Variants in PRR16 observed in about 807,000 individuals in gnomAD.
PRR16 encodes the protein proline rich 16, also known as protein Largen.
In PRR16, 6 loss-of-function variants were observed where a neutral mutation model predicts 18.2. The ratio of observed to expected loss-of-function variants is 0.33; its 90% CI spans 0.18 to 0.65. The LOEUF (loss-of-function observed/expected upper bound fraction) is 0.65, where lower values mean the gene tolerates loss of function less well. PRR16 is among the 30% of genes least tolerant of loss of function. The pLI is 0.74. For missense variants in PRR16, 412 were observed against 376.6 expected (o/e 1.09, Z -0.78); for synonymous variants, 151 against 147.8 (o/e 1.02, Z -0.16).
chr5:120,494,708 A>G (rs534534505), intron 1 of PRR16, among the ~76,000 whole-genome samples: 2 of 152,074 alleles, frequency 1.3e-5, no homozygotes, highest in Non-Finnish European at 2.9e-5. Flanking sequence ...GTCTTCCTCT[A>G]TCTTTTCCCT....
rs141025172 is a variant in PRR16 at position 120,615,790 on chromosome 5, T to G, written c.160-70164T>G. ...TTTTCTGTCATCCATGTGTATATAA[T>G]TAATATGTAGGTGAGAATTCTGGGC... is the stretch of plus-strand genomic sequence containing the variant. On this transcript the variant is annotated intron_variant, in intron 1 of 1. Transcript: ENST00000407149. Among the ~76,000 whole-genome samples the G allele has an allele frequency of 1.3e-4, 20 of 152,212 alleles. No individual in the cohort carries two copies. In the East Asian group the frequency reaches 3.9e-3, roughly 29 times the overall value.
At chr5:120,595,524 G>T (rs1753771456) in intron 1 of PRR16, among the ~76,000 whole-genome samples, 1 of 151,864 alleles carries the variant, frequency 6.6e-6, no homozygotes, top group Non-Finnish European at 1.5e-5. Context: ...TTCAACCATT[G>T]TCGGAAGTAG....
chr5:120,753,089 G>T, the PRR16 span, among the ~76,000 whole-genome samples: 1 of 151,972 alleles, frequency 6.6e-6, no homozygotes, highest in Non-Finnish European at 1.5e-5. Flanking sequence ...TTTGAGCAGA[G>T]GAGTTAGCAG....
At chr5:120,708,547 G>C in the PRR16 span, among the ~76,000 whole-genome samples, 1 of 151,892 alleles carries the variant, frequency 6.6e-6, no homozygotes, top group South Asian at 2.1e-4. Flanking sequence ...ACCTCAGACA[G>C]GAAAAGCTAA....
intron 1 of PRR16, among the ~76,000 whole-genome samples, chr5:120,476,602 G>A (rs1358369358): frequency 6.6e-6 from 1 of 152,020 alleles, no homozygotes; most frequent in Non-Finnish European, 1.5e-5. Flanking sequence ...AAAGCCAATC[G>A]TTCTACTTGT....
At chr5:120,563,709 C>T (rs1298796714) in intron 1 of PRR16, among the ~76,000 whole-genome samples, 4 of 152,184 alleles carry the variant, frequency 2.6e-5, no homozygotes, top group Non-Finnish European at 5.9e-5. Context: ...ATCCAAATGC[C>T]TGCCTATTGC....
chr5:120,717,345 A>T, the PRR16 span, among the ~76,000 whole-genome samples: 3 of 152,156 alleles, frequency 2.0e-5, no homozygotes, highest in Non-Finnish European at 4.4e-5. Flanking sequence ...TTATAGTTGC[A>T]TATATTTTAG....
chr5:120,655,139 A>T (rs1014216828), intron 1 of PRR16, among the ~76,000 whole-genome samples: 2 of 151,922 alleles, frequency 1.3e-5, no homozygotes, highest in Non-Finnish European at 2.9e-5. Flanking sequence ...TCTGATTTCC[A>T]GTCTCCACCC....
chr5:120,602,368 G>A (rs989946255), intron 1 of PRR16, among the ~76,000 whole-genome samples: 2 of 151,980 alleles, frequency 1.3e-5, no homozygotes, highest in Non-Finnish European at 2.9e-5. Context: ...CAGCTTGAAT[G>A]TTATTAGTGT....
rs1440982811 is a variant in PRR16, at chr5:120,687,153, C to T, written c.*444C>T. On this transcript the variant is annotated 3_prime_UTR_variant, in exon 2 of 2. Transcript: ENST00000407149. ...ATTATTTTTTTCTAAAGATGTTTGT[C>T]ACTAGTTTTTCATTATTAAATGCTG... The T allele has an allele frequency of 6.5e-6, 1 of 152,756 alleles. No homozygotes were observed. Among genetic ancestry groups the T allele is most frequent in the African/African-American group, 2.4e-5 (1 of 41,404 alleles). The allele number at this position is 152,756 out of a possible 1,614,324, so 9.5% of individuals were successfully genotyped here.
At chr5:120,772,269 GT>G in the PRR16 span, among the ~76,000 whole-genome samples, 1 of 152,120 alleles carries the variant, frequency 6.6e-6, no homozygotes, top group Middle Eastern at 3.4e-3. Context: ...TCTGAGAAGC[GT>G]TTTTCTGCCT....
the PRR16 span, among the ~76,000 whole-genome samples, chr5:120,714,146 C>T: frequency 1.3e-5 from 2 of 151,652 alleles, no homozygotes; most frequent in African/African-American, 2.4e-5. Context: ...ATATTAAGTT[C>T]ACTAAAAGAA....
intron 1 of PRR16, among the ~76,000 whole-genome samples, chr5:120,497,160 A>G (rs955665648): frequency 6.6e-6 from 1 of 152,146 alleles, no homozygotes; most frequent in Admixed American, 6.5e-5. Context: ...CGGACACTTA[A>G]GAAGAATGTG....
chr5:120,552,758 A>AT (rs1752293090), intron 1 of PRR16, among the ~76,000 whole-genome samples: 2 of 151,856 alleles, frequency 1.3e-5, no homozygotes, highest in African/African-American at 4.8e-5. Context: ...GGTAATGAAA[A>AT]TTTTGCCGAT....
chr5:120,699,843 A>G, the PRR16 span, among the ~76,000 whole-genome samples: 2 of 152,202 alleles, frequency 1.3e-5, no homozygotes, highest in Admixed American at 1.3e-4. Context: ...GATCAGTCAG[A>G]CAAGATTGGC....
the PRR16 span, among the ~76,000 whole-genome samples, chr5:120,775,304 T>C: frequency 1.3e-5 from 2 of 152,150 alleles, no homozygotes; most frequent in African/African-American, 2.4e-5. Context: ...CCTCTTCTCC[T>C]GTCTTAGGAA....
At chr5:120,714,241 T>G in the PRR16 span, among the ~76,000 whole-genome samples, 2 of 152,176 alleles carry the variant, frequency 1.3e-5, no homozygotes, top group Non-Finnish European at 2.9e-5. Flanking sequence ...TCAAATATAA[T>G]AGAACATAAT....
intron 1 of PRR16, among the ~76,000 whole-genome samples, chr5:120,628,822 C>T (rs1424987645): frequency 1.3e-5 from 2 of 151,764 alleles, no homozygotes; most frequent in Non-Finnish European, 2.9e-5. Flanking sequence ...GTTGAATTTC[C>T]TTAATTTGTT....
intron 1 of PRR16, among the ~76,000 whole-genome samples, chr5:120,510,764 A>G (rs149241360): frequency 6.6e-5 from 10 of 152,328 alleles, no homozygotes; most frequent in African/African-American, 1.4e-4. Flanking sequence ...GACAGAGTCA[A>G]TAAATACAGT....
Sources: allele counts gnomAD v4.1 joint callset (sites outside exome capture counted in the v4.1 genomes callset), GRCh38; gene constraint gnomAD v4.1.1; transcripts MANE v1.5; gene names NCBI Gene and HGNC (gene_info 2026-07-23, HGNC 2026-07-21).